Variants in CAMKMT observed in about 807,000 individuals in gnomAD.
CAMKMT encodes the protein calmodulin-lysine N-methyltransferase.
CAMKMT carries 53 observed loss-of-function variants against 48.0 expected under a neutral mutation model. The observed-to-expected ratio is 1.10, with a 90% confidence interval of 0.89 to 1.39. The LOEUF is 1.39. CAMKMT is among the 40% of genes most tolerant of loss of function. The pLI is 0.00. For synonymous variants in CAMKMT, 165 were observed against 152.3 expected (o/e 1.08, Z -0.61); for missense variants, 428 against 402.7 (o/e 1.06, Z -0.54).
chr2:44,444,720 T>A (rs1666876459), intron 3 of CAMKMT, among the ~76,000 whole-genome samples: 1 of 152,142 alleles, frequency 6.6e-6, no homozygotes, highest in East Asian at 1.9e-4. Flanking sequence ...GTGATGGGAA[T>A]AAATAGGGTG....
chr2:44,393,158 C>T (rs537242418), intron 3 of CAMKMT, among the ~76,000 whole-genome samples: 1 of 152,174 alleles, frequency 6.6e-6, no homozygotes, highest in South Asian at 2.1e-4. Flanking sequence ...TCAGTCTTAC[C>T]TTCTGAATTG....
At chr2:44,579,485 C>A (rs747179323) in intron 3 of CAMKMT, among the ~76,000 whole-genome samples, 35 of 152,320 alleles carry the variant, frequency 2.3e-4, no homozygotes, top group Non-Finnish European at 4.4e-5. Context: ...ATGTACATCA[C>A]ATTCTTTGAC....
chr2:44,537,426 A>C (rs1666836142), intron 3 of CAMKMT, among the ~76,000 whole-genome samples: 1 of 152,252 alleles, frequency 6.6e-6, no homozygotes, highest in East Asian at 1.9e-4. Flanking sequence ...AATGTTTCAC[A>C]TGACTAATCA....
chr2:44,532,203 G>A (rs1666523496), intron 3 of CAMKMT, among the ~76,000 whole-genome samples: 1 of 152,124 alleles, frequency 6.6e-6, no homozygotes, highest in African/African-American at 2.4e-5. Flanking sequence ...CTTTTAAAGT[G>A]TCAACAAAAA....
At chr2:44,590,539 G>A (rs1670198084) in intron 3 of CAMKMT, among the ~76,000 whole-genome samples, 1 of 152,064 alleles carries the variant, frequency 6.6e-6, no homozygotes, top group South Asian at 2.1e-4. Context: ...GTGTTTTTTG[G>A]CTGCATAAAT....
intron 3 of CAMKMT, among the ~76,000 whole-genome samples, chr2:44,515,559 T>TG (rs1670793268): frequency 6.6e-6 from 1 of 152,182 alleles, no homozygotes; most frequent in African/African-American, 2.4e-5. Flanking sequence ...CTCTGTTACA[T>TG]GAATCAAAGA....
chr2:44,676,294 T>C (rs1052332940), intron 3 of CAMKMT, among the ~76,000 whole-genome samples: 1 of 152,224 alleles, frequency 6.6e-6, no homozygotes, highest in African/African-American at 2.4e-5. Context: ...TTCTTAAATG[T>C]ATATCCCAAA....
chr2:44,633,929 T>G (rs1672979461), intron 3 of CAMKMT, among the ~76,000 whole-genome samples: 1 of 152,202 alleles, frequency 6.6e-6, no homozygotes, highest in Non-Finnish European at 1.5e-5. Context: ...TTTTTGGTTT[T>G]GGTTTTTGGG....
intron 3 of CAMKMT, among the ~76,000 whole-genome samples, chr2:44,471,371 G>A (rs907898264): frequency 1.3e-5 from 2 of 152,094 alleles, no homozygotes; most frequent in Non-Finnish European, 1.5e-5. Flanking sequence ...GCCAGGCACA[G>A]TGGATCACTT....
At chr2:44,433,254 T>G (rs936189194) in intron 3 of CAMKMT, among the ~76,000 whole-genome samples, 2 of 152,202 alleles carry the variant, frequency 1.3e-5, no homozygotes, top group Non-Finnish European at 2.9e-5. Context: ...TGTCTAATAT[T>G]ATTTGATTCC....
At chr2:44,655,040 G>A (rs764119387) in intron 3 of CAMKMT, among the ~76,000 whole-genome samples, 3 of 152,060 alleles carry the variant, frequency 2.0e-5, no homozygotes, top group Admixed American at 6.5e-5. Context: ...CTTGACTCAC[G>A]TGTTCAGTGA....
intron 3 of CAMKMT, among the ~76,000 whole-genome samples, chr2:44,628,949 G>T (rs1672650564): frequency 6.6e-6 from 1 of 151,930 alleles, no homozygotes; most frequent in South Asian, 2.1e-4. Flanking sequence ...GGTTTATCTG[G>T]GTAAATGTTT....
intron 10 of CAMKMT, among the ~76,000 whole-genome samples, chr2:44,768,361 A>ATATATATATATATATATATT (rs35058824): frequency 1.0e-4 from 12 of 115,742 alleles, no homozygotes; most frequent in African/African-American, 4.1e-4. Flanking sequence ...ATATATATAT[A>ATATATATATATATATATATT]TTTTTTTTTT....
chr2:44,582,988 G>A (rs997607532), intron 3 of CAMKMT, among the ~76,000 whole-genome samples: 8 of 152,072 alleles, frequency 5.3e-5, no homozygotes, highest in African/African-American at 1.9e-4. Context: ...CAAAAATGAT[G>A]ATCTTTTTTG....
intron 7 of CAMKMT, among the ~76,000 whole-genome samples, chr2:44,738,749 C>T (rs1219359083): frequency 6.6e-6 from 1 of 152,038 alleles, no homozygotes; most frequent in African/African-American, 2.4e-5. Context: ...GTAATAGCTG[C>T]TACAGAAAAA....
At chr2:44,594,324 A>G (rs930214801) in intron 3 of CAMKMT, among the ~76,000 whole-genome samples, 1 of 152,204 alleles carries the variant, frequency 6.6e-6, no homozygotes, top group African/African-American at 2.4e-5. Flanking sequence ...TAAATTTCAT[A>G]TGGAACCAAA....
chr2:44,592,069 G>T (rs1005126718), intron 3 of CAMKMT, among the ~76,000 whole-genome samples: 5 of 151,578 alleles, frequency 3.3e-5, no homozygotes, highest in East Asian at 3.9e-4. Context: ...GTTGTGGGGT[G>T]GGGGGAAGGG....
chr2:44,524,966 A>T (rs558512008), intron 3 of CAMKMT, among the ~76,000 whole-genome samples: 2 of 91,178 alleles, frequency 2.2e-5, no homozygotes, highest in East Asian at 2.3e-4. Flanking sequence ...CAAATTTCAT[A>T]AAAAAAAAAA....
At chr2:44,378,093 A>G (rs1018778191) in intron 2 of CAMKMT, among the ~76,000 whole-genome samples, 1 of 152,234 alleles carries the variant, frequency 6.6e-6, no homozygotes, top group African/African-American at 2.4e-5. Flanking sequence ...GATATTAACA[A>G]CAGAGGTGAT....
Sources: gnomAD v4.1 joint callset for allele counts (sites outside exome capture counted in the v4.1 genomes callset) on GRCh38, gnomAD v4.1.1 for gene constraint, MANE v1.5 for transcripts, NCBI Gene and HGNC (gene_info 2026-07-23, HGNC 2026-07-21) for gene names.